The following EAF1 variants were observed in gnomAD, a reference collection of about 807,000 sequenced individuals.
EAF1 encodes the protein ELL associated factor 1.
Under a neutral mutation model 26.6 loss-of-function variants are expected in EAF1, and 19 were observed. The ratio of observed to expected loss-of-function variants is 0.71; its 90% CI spans 0.50 to 1.05. The LOEUF (loss-of-function observed/expected upper bound fraction) is 1.05. EAF1 is among the 50% of genes least tolerant of loss of function. The pLI is 0.00. For synonymous variants in EAF1, 102 were observed against 120.6 expected (o/e 0.85, Z 1.01); for missense variants, 260 against 335.5 (o/e 0.78, Z 1.76).
chr3:15,439,376 A>T lies in EAF1; in HGVS notation c.*221A>T, dbSNP rs2061853515. ...ATCTCATCTTTCAAAGTTTAAGTAGACCTGTAGAAGAGCTAACAGAATTAT... is the reference window on the plus strand; with the variant it reads ...ATCTCATCTTTCAAAGTTTAAGTAGTCCTGTAGAAGAGCTAACAGAATTAT... On this transcript the variant is annotated 3_prime_UTR_variant, in exon 6 of 6. Transcript: ENST00000396842. The T allele has an allele frequency of 2.6e-5, 12 of 458,628 alleles. 1 individual carries two copies. The East Asian group carries it at 3.9e-4, about 15-fold the overall frequency. The allele number at this position is 458,628 out of a possible 1,614,324, so 28.4% of individuals were successfully genotyped here.
Position 15,442,208 on chromosome 3 carries a change from GGTGTGTGTGTGT to G in EAF1, c.*3070_*3081del. 6.8e-6 allele frequency: 1 copy of G among 148,120 alleles called. No homozygotes were observed. Among genetic ancestry groups the G allele is most frequent in the East Asian group, 2.0e-4 (1 of 5,072 alleles). The allele number at this position is 148,120 out of a possible 1,614,324, so 9.2% of individuals were successfully genotyped here. A position where few individuals can be genotyped will look rare whatever the true frequency, so the allele number is the denominator to read the frequency against. On this transcript the variant is annotated 3_prime_UTR_variant, in exon 6 of 6. Transcript: ENST00000396842. ...CCTATTTGAGAGGCTGGTTCAGCAGGGTGTGTGTGTGTGTGTGTGTGTGTGTGTATGAATGGT... is the reference window on the plus strand; with the variant it reads ...CCTATTTGAGAGGCTGGTTCAGCAGGGTGTGTGTGTGTGTGTATGAATGGT...
Position 15,439,897 on chromosome 3 carries a change from T to C in EAF1, c.*742T>C, listed in dbSNP as rs1013438010. 1 of 152,354 alleles carries C rather than the reference T, an allele frequency of 6.6e-6. No homozygotes were observed. Among genetic ancestry groups the C allele is most frequent in the Non-Finnish European group, 1.5e-5 (1 of 68,038 alleles). 9.4% of individuals were successfully genotyped at this position (152,354 alleles called of 1,614,324 possible). A position where few individuals can be genotyped will look rare whatever the true frequency, so the allele number is the denominator to read the frequency against. On this transcript the variant is annotated 3_prime_UTR_variant, in exon 6 of 6. Coordinates refer to ENST00000396842, the MANE Select transcript of EAF1 (RefSeq NM_033083.7). ...GATTCCTATACATGGGACTTTTAGA[T>C]GTACATTGGCACTTGGATTAGATTC...
At chr3:15,439,036 A>G in intron 5 of EAF1, 73 bp from the exon 6 acceptor site, 1 of 1,449,764 alleles carries the variant, frequency 6.9e-7, no homozygotes. Context: ...ACAAAAAATT[A>G]TGAGGAAGTC....
At chr3:15,432,957 T>C in intron 3 of EAF1, among the ~76,000 whole-genome samples, 1 of 152,110 alleles carries the variant, frequency 6.6e-6, no homozygotes, top group East Asian at 1.9e-4. Flanking sequence ...GCCATTTTTT[T>C]TTCATTCATT....
rs2061794004 is a variant in EAF1 at position 15,430,070 on chromosome 3, T to C, written c.198+63T>C. Reference sequence around the variant, plus strand: ...CAATGAATCTTTGTCTTTTATATTATTGCAATTTAAACTTCCTACTTTTAA... The same window carrying C: ...CAATGAATCTTTGTCTTTTATATTACTGCAATTTAAACTTCCTACTTTTAA... On this transcript the variant is annotated intron_variant, in intron 2 of 5. Transcript: ENST00000396842. 4.1e-6 allele frequency: 5 copies of C among 1,224,478 alleles called. No homozygotes were observed. In the African/African-American group the frequency reaches 4.7e-5, roughly 12 times the overall value. 75.9% of individuals were successfully genotyped at this position (1,224,478 alleles called of 1,614,324 possible). A position where few individuals can be genotyped will look rare whatever the true frequency, so the allele number is the denominator to read the frequency against.
Position 15,439,118 on chromosome 3 carries a change from T to G in EAF1, c.770T>G (p.Leu257Trp). Reference protein sequence around the residue: ...NQLMNTLRNDLQLSESGSDSD... With the variant: ...NQLMNTLRNDWQLSESGSDSD... ...TTTTTTTTTTAAATAGGAAATGACT[T>G]GCAGTTGAGTGAGTCTGGCAGTGAC... Residue 257 changes from leucine to tryptophan, a missense_variant, in exon 6 of 6, where the codon TTG becomes TGG. Coordinates refer to ENST00000396842, the MANE Select transcript of EAF1 (RefSeq NM_033083.7). 1.2e-6 allele frequency: 2 copies of G among 1,612,466 alleles called. No homozygotes were observed. Among genetic ancestry groups the G allele is most frequent in the Non-Finnish European group, 1.7e-6 (2 of 1,179,422 alleles).
intron 2 of EAF1, among the ~76,000 whole-genome samples, chr3:15,430,605 C>G (rs1241098894): frequency 6.6e-6 from 1 of 152,134 alleles, no homozygotes; most frequent in African/African-American, 2.4e-5. Flanking sequence ...ACAGAAAAGC[C>G]CTAGGTGCCC....
At position 15,439,963 on chromosome 3, in the gene EAF1, T is replaced by C. The variant is rs1339119394; in HGVS notation, c.*808T>C. The C allele has an allele frequency of 1.3e-5, 2 of 152,210 alleles. No homozygotes were observed. The highest frequency in any genetic ancestry group is 2.9e-5 in the Non-Finnish European group (2 of 68,044). The allele number at this position is 152,210 out of a possible 1,614,324, so 9.4% of individuals were successfully genotyped here. ...TTGGGTGCTTCTAGCTTGAATTCAG[T>C]CCCTAAATACATGAGGCTGGGTGAG... On this transcript the variant is annotated 3_prime_UTR_variant, in exon 6 of 6. Transcript: ENST00000396842.
rs532651377 is a variant in EAF1, at chr3:15,440,193, G to A, written c.*1038G>A. ...AAATCAGAATCTAGATAGAAGTTCT[G>A]CAATATGAAATGAGCACATTCTTTG... On this transcript the variant is annotated 3_prime_UTR_variant, in exon 6 of 6. Coordinates refer to ENST00000396842, the MANE Select transcript of EAF1 (RefSeq NM_033083.7). 3 of 152,306 alleles carry A rather than the reference G, an allele frequency of 2.0e-5. No individual in the cohort carries two copies. In the South Asian group the frequency reaches 6.2e-4, roughly 32 times the overall value. 9.4% of individuals were successfully genotyped at this position (152,306 alleles called of 1,614,324 possible). A position where few individuals can be genotyped will look rare whatever the true frequency, so the allele number is the denominator to read the frequency against.
At chr3:15,429,447 A>C (rs950648913) in intron 1 of EAF1, among the ~76,000 whole-genome samples, 2 of 152,172 alleles carry the variant, frequency 1.3e-5, no homozygotes, top group African/African-American at 4.8e-5. Context: ...GTGGCCTTTC[A>C]TATTTCATAT....
At chr3:15,438,919 C>A in intron 5 of EAF1, 190 bp from the exon 6 acceptor site, 1 of 590,746 alleles carries the variant, frequency 1.7e-6, no homozygotes, top group Non-Finnish European at 3.0e-6. Flanking sequence ...TATTGTTGTG[C>A]TTTGTAGATA....
At chr3:15,439,079 T>C (rs374705267) in intron 5 of EAF1, 30 bp from the exon 6 acceptor site, 3 of 1,586,826 alleles carry the variant, frequency 1.9e-6, no homozygotes, top group Non-Finnish European at 2.6e-6. Context: ...TTTGATTCTA[T>C]GATTTTACTT....
chr3:15,436,181 G>C, intron 4 of EAF1, 161 bp from the exon 5 acceptor site: 1 of 489,400 alleles, frequency 2.0e-6, no homozygotes, highest in East Asian at 3.1e-5. Context: ...TTTTGTTTTG[G>C]TAATTTTGTT....
chr3:15,435,131 A>T (rs1195086410), intron 4 of EAF1, among the ~76,000 whole-genome samples: 1 of 152,166 alleles, frequency 6.6e-6, no homozygotes, highest in African/African-American at 2.4e-5. Context: ...CCATAAGCAA[A>T]TGTCCTGTGC....
intron 4 of EAF1, among the ~76,000 whole-genome samples, chr3:15,434,743 G>A (rs2061824626): frequency 6.6e-6 from 1 of 152,234 alleles, no homozygotes; most frequent in African/African-American, 2.4e-5. Flanking sequence ...TCCTGGAATA[G>A]TGACTTGAGT....
At chr3:15,436,892 C>T (rs770291260) in intron 5 of EAF1, among the ~76,000 whole-genome samples, 19 of 152,172 alleles carry the variant, frequency 1.2e-4, no homozygotes, top group Non-Finnish European at 2.1e-4. Flanking sequence ...ATACTGCTCT[C>T]TGCCCATTGG....
chr3:15,429,548 T>C (rs1278279775), intron 1 of EAF1, among the ~76,000 whole-genome samples: 1 of 152,180 alleles, frequency 6.6e-6, no homozygotes, highest in Non-Finnish European at 1.5e-5. Context: ...GATGAGACAA[T>C]TTTCCTCTCT....
intron 5 of EAF1, 89 bp downstream of exon 5, chr3:15,436,664 T>C: frequency 8.8e-7 from 1 of 1,136,730 alleles, no homozygotes; most frequent in Non-Finnish European, 1.2e-6. Flanking sequence ...CCTAAAGATG[T>C]TTAAGGCATG....
chr3:15,433,406 G>A (rs2061814110), intron 3 of EAF1, among the ~76,000 whole-genome samples: 1 of 152,028 alleles, frequency 6.6e-6, no homozygotes, highest in African/African-American at 2.4e-5. Context: ...GATGGTTGTG[G>A]TATATTCCCT....
Sources: gnomAD v4.1 joint callset for allele counts (sites outside exome capture counted in the v4.1 genomes callset) on GRCh38, gnomAD v4.1.1 for gene constraint, MANE v1.5 for transcripts, NCBI Gene and HGNC (gene_info 2026-07-23, HGNC 2026-07-21) for gene names.